Variants in FNDC3B observed in about 807,000 individuals in gnomAD.
FNDC3B encodes the protein fibronectin type III domain-containing protein 3B.
In FNDC3B, 12 loss-of-function variants were observed where a neutral mutation model predicts 151.5. That is an observed-to-expected ratio of 0.08 (90% CI 0.05 to 0.13). The LOEUF (loss-of-function observed/expected upper bound fraction) is 0.13. Ranked by LOEUF, FNDC3B falls within the 10% of genes least tolerant of loss-of-function variation. The pLI is 1.00. For synonymous variants in FNDC3B, 528 were observed against 549.0 expected (o/e 0.96, Z 0.54); for missense variants, 1,214 against 1,505.3 (o/e 0.81, Z 3.20).
At chr3:172,362,262 T>C (rs1352090027) in intron 22 of FNDC3B, among the ~76,000 whole-genome samples, 1 of 152,198 alleles carries the variant, frequency 6.6e-6, no homozygotes, top group East Asian at 1.9e-4. Flanking sequence ...CCCCATTTCA[T>C]TTACTCTTGA....
chr3:172,172,323 A>G (rs1723323886), intron 3 of FNDC3B, among the ~76,000 whole-genome samples: 1 of 152,238 alleles, frequency 6.6e-6, no homozygotes, highest in Non-Finnish European at 1.5e-5. Context: ...TAGATTTAAA[A>G]AGAAGAAAAA....
chr3:172,186,757 G>C (rs1394861642), intron 3 of FNDC3B: 1 of 702,018 alleles, frequency 1.4e-6, no homozygotes, highest in Non-Finnish European at 2.6e-6. Flanking sequence ...TTTCATCTCA[G>C]CTTTTTCCCC....
intron 25 of FNDC3B, among the ~76,000 whole-genome samples, chr3:172,393,038 G>A (rs1736096937): frequency 6.6e-6 from 1 of 151,748 alleles, no homozygotes; most frequent in Non-Finnish European, 1.5e-5. Context: ...CCTGACCTCA[G>A]GTGATCCACC....
chr3:172,301,768 G>A (rs1479440588), intron 9 of FNDC3B: 2 of 152,160 alleles, frequency 1.3e-5, no homozygotes, highest in African/African-American at 2.4e-5. Context: ...TGAGGTGAGA[G>A]GATCGCTTGA....
chr3:172,387,549 T>G (rs1423836737), intron 25 of FNDC3B, among the ~76,000 whole-genome samples: 1 of 152,236 alleles, frequency 6.6e-6, no homozygotes, highest in Non-Finnish European at 1.5e-5. Context: ...AAGATAGACC[T>G]CTTTAAAAAC....
chr3:172,244,999 A>G (rs999762310), intron 4 of FNDC3B, among the ~76,000 whole-genome samples: 6 of 152,150 alleles, frequency 3.9e-5, no homozygotes, highest in African/African-American at 1.4e-4. Flanking sequence ...AGGTTTCTAA[A>G]AGGGTTTCAT....
chr3:172,225,318 C>G (rs540561169), intron 3 of FNDC3B: 1 of 155,292 alleles, frequency 6.4e-6, no homozygotes, highest in African/African-American at 2.4e-5. Context: ...GGACCACAGG[C>G]GCGCACCACC....
At chr3:172,128,801 A>G (rs1437514962) in intron 2 of FNDC3B, among the ~76,000 whole-genome samples, 2 of 152,220 alleles carry the variant, frequency 1.3e-5, no homozygotes, top group Non-Finnish European at 2.9e-5. Flanking sequence ...ATTCATTTAT[A>G]CATGAAAACA....
intron 1 of FNDC3B, among the ~76,000 whole-genome samples, chr3:172,052,972 C>T (rs1337626560): frequency 6.6e-6 from 1 of 152,176 alleles, no homozygotes; most frequent in Non-Finnish European, 1.5e-5. Context: ...CACTGTACTT[C>T]CAAACCCTCT....
chr3:172,069,453 G>A (rs1717660900), intron 1 of FNDC3B, among the ~76,000 whole-genome samples: 1 of 152,006 alleles, frequency 6.6e-6, no homozygotes, highest in African/African-American at 2.4e-5. Context: ...AGAATTAGTG[G>A]GTTTTAAAAA....
intron 16 of FNDC3B, chr3:172,338,437 A>G (rs1733107385): frequency 6.6e-6 from 1 of 152,188 alleles, no homozygotes; most frequent in South Asian, 2.1e-4. Flanking sequence ...ATTAAACAGT[A>G]TATAGTATTG....
intron 3 of FNDC3B, among the ~76,000 whole-genome samples, chr3:172,167,029 G>C (rs1205319751): frequency 6.6e-6 from 1 of 152,180 alleles, no homozygotes; most frequent in Non-Finnish European, 1.5e-5. Context: ...CTGCAAGGTT[G>C]GAATAGTGAC....
chr3:172,046,997 G>A (rs1007421286), intron 1 of FNDC3B: 2 of 152,094 alleles, frequency 1.3e-5, no homozygotes, highest in Non-Finnish European at 2.9e-5. Flanking sequence ...TAGTAAAATT[G>A]GAGCACCTTC....
intron 1 of FNDC3B, among the ~76,000 whole-genome samples, chr3:172,085,453 C>G (rs1168935274): frequency 6.6e-6 from 1 of 152,164 alleles, no homozygotes; most frequent in African/African-American, 2.4e-5. Context: ...TACCACAGTC[C>G]CCCTGACTCT....
chr3:172,203,062 C>T (rs1725238269), intron 3 of FNDC3B, among the ~76,000 whole-genome samples: 1 of 152,086 alleles, frequency 6.6e-6, no homozygotes, highest in Non-Finnish European at 1.5e-5. Context: ...AAACATATTA[C>T]ATGGGGAGTT....
chr3:172,302,242 G>A (rs1046728154), intron 9 of FNDC3B: 1 of 152,210 alleles, frequency 6.6e-6, no homozygotes, highest in Non-Finnish European at 1.5e-5. Flanking sequence ...TCACCCATCA[G>A]ACACACAAAC....
intron 2 of FNDC3B, among the ~76,000 whole-genome samples, chr3:172,123,368 T>C (rs547479379): frequency 6.7e-6 from 1 of 150,358 alleles, no homozygotes; most frequent in East Asian, 2.0e-4. Context: ...GTTGTTGTTA[T>C]ATTCATGCAA....
At chr3:172,084,501 G>A (rs1020649851) in intron 1 of FNDC3B, among the ~76,000 whole-genome samples, 26 of 53,836 alleles carry the variant, frequency 4.8e-4, no homozygotes, top group Middle Eastern at 6.7e-3. Context: ...ACACACACAC[G>A]TATATTCTGA....
rs541314603 is a variant in FNDC3B, at chr3:172,327,160, C to G, written c.1255-1792C>G. Among the ~76,000 whole-genome samples the G allele has an allele frequency of 1.2e-3, 187 of 152,272 alleles. 1 individual carries two copies. Among genetic ancestry groups the G allele is most frequent in the African/African-American group, 4.3e-3 (179 of 41,540 alleles). ...GTAAGCATAGTGTGTGACATGCCAGCCACATAGTGAGTTCACTCAAGGAGC... is the reference window on the plus strand; with the variant it reads ...GTAAGCATAGTGTGTGACATGCCAGGCACATAGTGAGTTCACTCAAGGAGC... On this transcript the variant is annotated intron_variant, in intron 11 of 25. Transcript: ENST00000415807.
Sources: allele counts gnomAD v4.1 joint callset (sites outside exome capture counted in the v4.1 genomes callset), GRCh38; gene constraint gnomAD v4.1.1; transcripts MANE v1.5; gene names NCBI Gene and HGNC (gene_info 2026-07-23, HGNC 2026-07-21).